Variants in BBS9 observed in about 807,000 individuals in gnomAD.
BBS9 encodes the protein protein PTHB1.
A neutral mutation model predicts 117.7 loss-of-function variants in BBS9; 89 were observed. That is an observed-to-expected ratio of 0.76 (90% CI 0.64 to 0.90). The LOEUF (loss-of-function observed/expected upper bound fraction) is 0.90. Among genes scored for constraint, BBS9 ranks in the 40% least tolerant of loss-of-function variants. BBS9 has a pLI of 0.00. For missense variants in BBS9, 982 were observed against 1,042.2 expected (o/e 0.94, Z 0.80); for synonymous variants, 379 against 370.9 (o/e 1.02, Z -0.25).
intron 5 of BBS9, among the ~76,000 whole-genome samples, chr7:33,210,979 G>A (rs1185763625): frequency 1.3e-5 from 2 of 152,124 alleles, no homozygotes; most frequent in Non-Finnish European, 2.9e-5. Flanking sequence ...TTTTATATAA[G>A]TGTAGCTACT....
intron 19 of BBS9, among the ~76,000 whole-genome samples, chr7:33,439,013 A>G (rs1018415091): frequency 2.6e-5 from 4 of 152,166 alleles, no homozygotes; most frequent in Non-Finnish European, 4.4e-5. Context: ...CCAAGAGTGA[A>G]CACAGAGTGT....
intron 1 of BBS9, among the ~76,000 whole-genome samples, chr7:33,145,197 G>A (rs866168608): frequency 1.3e-5 from 2 of 152,172 alleles, no homozygotes; most frequent in African/African-American, 4.8e-5. Context: ...AATAACTTTC[G>A]TGAATAAGGA....
chr7:33,147,299 CTT>C (rs1474357479), intron 2 of BBS9, among the ~76,000 whole-genome samples: 4 of 151,838 alleles, frequency 2.6e-5, no homozygotes, highest in African/African-American at 9.7e-5. Context: ...AAAAAGAAAA[CTT>C]ATTATAACTA....
At chr7:33,439,220 C>G (rs903989759) in intron 19 of BBS9, among the ~76,000 whole-genome samples, 1 of 152,128 alleles carries the variant, frequency 6.6e-6, no homozygotes, top group African/African-American at 2.4e-5. Flanking sequence ...CCCTGCTATT[C>G]CTATATTTGC....
At chr7:33,628,551 G>A (rs769880564) in intron 21 of BBS9, among the ~76,000 whole-genome samples, 1 of 152,158 alleles carries the variant, frequency 6.6e-6, no homozygotes, top group Non-Finnish European at 1.5e-5. Flanking sequence ...GTGATAAAGG[G>A]CATTTATGAA....
At chr7:33,392,509 G>T (rs1827235278) in intron 19 of BBS9, among the ~76,000 whole-genome samples, 1 of 152,170 alleles carries the variant, frequency 6.6e-6, no homozygotes, top group South Asian at 2.1e-4. Flanking sequence ...TCAAGCATCT[G>T]TTTGTGTCAT....
At chr7:33,357,103 G>A (rs984710964) in intron 15 of BBS9, among the ~76,000 whole-genome samples, 3 of 151,706 alleles carry the variant, frequency 2.0e-5, no homozygotes, top group Non-Finnish European at 4.4e-5. Context: ...ATTTTGAAAA[G>A]CTTTATACAA....
chr7:33,493,072 G>A (rs568126215), intron 19 of BBS9, among the ~76,000 whole-genome samples: 44 of 152,154 alleles, frequency 2.9e-4, no homozygotes, highest in African/African-American at 1.0e-3. Context: ...TTGGCTCACT[G>A]CAGCCTCCAC....
intron 21 of BBS9, among the ~76,000 whole-genome samples, chr7:33,580,297 G>A (rs891453085): frequency 7.9e-5 from 12 of 151,188 alleles, no homozygotes; most frequent in Admixed American, 4.6e-4. Context: ...TTGATGACAC[G>A]TCTACTAGAT....
chr7:33,249,429 G>A (rs17170138), intron 5 of BBS9, among the ~76,000 whole-genome samples: 17,149 of 151,818 alleles, frequency 0.11, 1,140 homozygotes, highest in African/African-American at 0.18. Flanking sequence ...ACATACTATT[G>A]AATAAATGTT....
intron 8 of BBS9, 31 bp from the exon 9 acceptor site, chr7:33,273,796 A>G (rs1473227247): frequency 6.3e-7 from 1 of 1,594,748 alleles, no homozygotes. Flanking sequence ...CTGTTTTCTT[A>G]GTGTCTCTTT....
At chr7:33,384,576 CAT>C (rs1162114900) in intron 18 of BBS9, among the ~76,000 whole-genome samples, 2 of 152,070 alleles carry the variant, frequency 1.3e-5, no homozygotes, top group Non-Finnish European at 2.9e-5. Flanking sequence ...GCTCCACTTA[CAT>C]AGTCTATAAA....
At chr7:33,218,917 C>T (rs1036948023) in intron 5 of BBS9, among the ~76,000 whole-genome samples, 1 of 152,232 alleles carries the variant, frequency 6.6e-6, no homozygotes, top group African/African-American at 2.4e-5. Flanking sequence ...TGTGGGAGCC[C>T]CTTTCTGGGC....
At chr7:33,334,650 A>G (rs1417652172) in intron 9 of BBS9, among the ~76,000 whole-genome samples, 1 of 152,198 alleles carries the variant, frequency 6.6e-6, no homozygotes, top group African/African-American at 2.4e-5. Flanking sequence ...CTTTAAGAAG[A>G]TCATTCCATT....
intron 9 of BBS9, among the ~76,000 whole-genome samples, chr7:33,283,340 T>C (rs1802264877): frequency 2.0e-5 from 3 of 152,218 alleles, no homozygotes; most frequent in African/African-American, 7.2e-5. Context: ...TCTGTCTGGA[T>C]GCTCGTCTGA....
chr7:33,159,200 T>C (rs1794492720), intron 4 of BBS9, among the ~76,000 whole-genome samples: 1 of 152,208 alleles, frequency 6.6e-6, no homozygotes, highest in Non-Finnish European at 1.5e-5. Flanking sequence ...AATTTTCCTC[T>C]TTTGGTCATC....
intron 19 of BBS9, among the ~76,000 whole-genome samples, chr7:33,461,329 G>T (rs996998427): frequency 1.3e-5 from 2 of 151,964 alleles, no homozygotes; most frequent in African/African-American, 2.4e-5. Context: ...GCAGTGGAAT[G>T]ATTTTTAAAA....
intron 5 of BBS9, among the ~76,000 whole-genome samples, chr7:33,180,663 T>C (rs954634886): frequency 3.9e-5 from 6 of 152,140 alleles, no homozygotes; most frequent in African/African-American, 1.2e-4. Context: ...CCGAGAAAAT[T>C]CTTTGAGCAC....
At chr7:33,490,171 C>T (rs953689063) in intron 19 of BBS9, among the ~76,000 whole-genome samples, 6 of 152,132 alleles carry the variant, frequency 3.9e-5, no homozygotes, top group East Asian at 1.9e-4. Context: ...TTAGCTACTT[C>T]GAAGGAAGAA....
Sources: gnomAD v4.1 joint callset for allele counts (sites outside exome capture counted in the v4.1 genomes callset) on GRCh38, gnomAD v4.1.1 for gene constraint, MANE v1.5 for transcripts, NCBI Gene and HGNC (gene_info 2026-07-23, HGNC 2026-07-21) for gene names.